The following MAPK4 variants were observed in gnomAD, a reference collection of about 807,000 sequenced individuals.
MAPK4 encodes Erk3-related.
In MAPK4, 22 loss-of-function variants were observed where a neutral mutation model predicts 47.7. The observed-to-expected ratio is 0.46, with a 90% CI of 0.33 to 0.66. The LOEUF is 0.66. Ranked by LOEUF, MAPK4 falls within the 30% of genes least tolerant of loss-of-function variation. The probability of loss-of-function intolerance (pLI) is 0.02; values close to 1 mark genes in which losing one functional copy is unlikely to be tolerated. For synonymous variants in MAPK4, 390 were observed against 365.7 expected, an observed-to-expected ratio of 1.07 and a Z score of -0.76; for missense variants, 736 against 831.7, an observed-to-expected ratio of 0.88 and a Z score of 1.42.
At chr18:50,632,800 A>G (rs1242688006) in intron 1 of MAPK4, among the ~76,000 whole-genome samples, 1 of 151,956 alleles carries the variant, frequency 6.6e-6, no homozygotes, top group Non-Finnish European at 1.5e-5. Context: ...TCATATTTTT[A>G]GTAGAGACAG....
intron 2 of MAPK4, among the ~76,000 whole-genome samples, chr18:50,672,333 AGCAT>A (rs1259486981): frequency 1.3e-5 from 2 of 152,246 alleles, no homozygotes; most frequent in African/African-American, 4.8e-5. Context: ...GAAGCCACTA[AGCAT>A]GTTATTCCAA....
intron 4 of MAPK4, among the ~76,000 whole-genome samples, chr18:50,722,860 C>T (rs1336806484): frequency 1.3e-5 from 2 of 152,138 alleles, no homozygotes; most frequent in Non-Finnish European, 2.9e-5. Flanking sequence ...CTCTCAATCT[C>T]CAGACATGCT....
At position 50,668,332 on chromosome 18, in the gene MAPK4, C is replaced by G. The variant is rs576266999; in HGVS notation, c.546+3828C>G. On this transcript the variant is annotated intron_variant, in intron 2 of 5. Coordinates refer to ENST00000400384, the MANE Select transcript of MAPK4 (RefSeq NM_002747.4). ...GCCTCCCATCTTTCTCATGGGTGGACAGTATGTCTCATTTGCTCCCACATC... is the reference window on the plus strand; with the variant it reads ...GCCTCCCATCTTTCTCATGGGTGGAGAGTATGTCTCATTTGCTCCCACATC... Among the ~76,000 whole-genome samples, 6 of 152,300 alleles carry G rather than the reference C, an allele frequency of 3.9e-5. No individual in the cohort carries two copies. In the East Asian group the frequency reaches 1.2e-3, roughly 29 times the overall value.
rs1911163700 is a variant in MAPK4, at chr18:50,725,886, C to T, written c.854-76C>T. ...AAGCACAGACACCAGCACAGAATGT[C>T]ACCGTGCTGAGGAATCTCCTTCTGA... On this transcript the variant is annotated intron_variant, in intron 4 of 5. Transcript: ENST00000400384. The T allele has an allele frequency of 4.3e-6, 5 of 1,165,150 alleles. No homozygotes were observed. In the Admixed American group the frequency reaches 8.4e-5, roughly 20 times the overall value. The allele number at this position is 1,165,150 out of a possible 1,614,324, so 72.2% of individuals were successfully genotyped here.
intron 1 of MAPK4, among the ~76,000 whole-genome samples, chr18:50,600,952 G>A (rs1257762917): frequency 3.3e-5 from 5 of 151,774 alleles, no homozygotes; most frequent in African/African-American, 9.7e-5. Context: ...CTTTAGTATT[G>A]TTCACGATTT....
At position 50,729,362 on chromosome 18, in the gene MAPK4, C is replaced by T. The variant is rs756972580; in HGVS notation, c.1272C>T (p.Tyr424=). The T allele has an allele frequency of 3.8e-6, 6 of 1,577,978 alleles. No individual in the cohort carries two copies. The highest frequency in any genetic ancestry group is 5.2e-6 in the Non-Finnish European group (6 of 1,163,448). The change falls in exon 6 of 6, where the codon TAC becomes TAT. Residue 424 remains tyrosine, a synonymous_variant. Transcript: ENST00000400384. ...TGGAGCGCGCCTTCGAGGCCGACTA[C>T]GGGCGCTCCTGCGACTACAAGGTGG... ...SSMERAFEAD[Y]GRSCDYKVGS... is the part of the protein sequence containing the mutation.
At chr18:50,575,792 CAAA>C (rs540138636) in intron 1 of MAPK4, among the ~76,000 whole-genome samples, 124 of 70,142 alleles carry the variant, frequency 1.8e-3, no homozygotes, top group African/African-American at 5.0e-3. Context: ...AATCAACAAG[CAAA>C]AAAAAAAAAA....
Position 50,618,327 on chromosome 18 carries a change from C to T in MAPK4, c.-870-44762C>T, listed in dbSNP as rs983600427. On this transcript the variant is annotated intron_variant, in intron 1 of 5. Coordinates refer to ENST00000400384, the MANE Select transcript of MAPK4 (RefSeq NM_002747.4). Reference sequence around the variant, plus strand: ...AGTTCACCCAAACTAGTTACTACGCCCTGTACCTGTTTTTCCATTTCTCCC... The same window carrying T: ...AGTTCACCCAAACTAGTTACTACGCTCTGTACCTGTTTTTCCATTTCTCCC... 8.5e-5 allele frequency among the ~76,000 whole-genome samples: 13 copies of T among 152,262 alleles called. No individual in the cohort carries two copies. In the East Asian group the frequency reaches 1.4e-3, roughly 16 times the overall value.
intron 2 of MAPK4, among the ~76,000 whole-genome samples, chr18:50,677,613 G>C (rs370512077): frequency 9.2e-5 from 14 of 151,912 alleles, no homozygotes; most frequent in Non-Finnish European, 1.9e-4. Flanking sequence ...AGGCTGGAGT[G>C]CAGATCATAG....
chr18:50,696,051 G>T (rs1909496098), intron 2 of MAPK4, among the ~76,000 whole-genome samples: 1 of 151,764 alleles, frequency 6.6e-6, no homozygotes, highest in South Asian at 2.1e-4. Flanking sequence ...ATCTGGGAGG[G>T]CACTGCAGGA....
intron 1 of MAPK4, among the ~76,000 whole-genome samples, chr18:50,617,598 T>C (rs1032099424): frequency 6.6e-6 from 1 of 152,214 alleles, no homozygotes; most frequent in Non-Finnish European, 1.5e-5. Flanking sequence ...GAGGTGGTTG[T>C]ACCGACCTGT....
intron 1 of MAPK4, among the ~76,000 whole-genome samples, chr18:50,611,255 G>GAC (rs759111491): frequency 2.0e-5 from 3 of 152,212 alleles, no homozygotes; most frequent in Non-Finnish European, 4.4e-5. Flanking sequence ...CTCACTTAGA[G>GAC]ACACCATTTC....
At position 50,731,556 on chromosome 18, in the gene MAPK4, CT is replaced by C. The variant is rs1206794475; in HGVS notation, c.*1706del. 6.6e-6 allele frequency: 1 copy of C among 152,490 alleles called. No homozygotes were observed. Among genetic ancestry groups the C allele is most frequent in the Non-Finnish European group, 1.5e-5 (1 of 68,048 alleles). 9.4% of individuals were successfully genotyped at this position (152,490 alleles called of 1,614,324 possible). On this transcript the variant is annotated 3_prime_UTR_variant, in exon 6 of 6. Transcript: ENST00000400384. ...AAACAGAATTAATCACACTGACCAA[CT>C]TTTAAATGGAAAATATGTAAATAGG...
At chr18:50,625,996 C>T (rs1479712740) in intron 1 of MAPK4, among the ~76,000 whole-genome samples, 3 of 151,878 alleles carry the variant, frequency 2.0e-5, no homozygotes. Flanking sequence ...CCAAAATCAG[C>T]AGGGTGGTCT....
chr18:50,622,030 C>T (rs777587821), intron 1 of MAPK4, among the ~76,000 whole-genome samples: 1 of 152,224 alleles, frequency 6.6e-6, no homozygotes, highest in Non-Finnish European at 1.5e-5. Context: ...TGCCTATTAA[C>T]AGCCCTTACA....
At chr18:50,567,661 T>C (rs2042210876) in intron 1 of MAPK4, among the ~76,000 whole-genome samples, 1 of 152,176 alleles carries the variant, frequency 6.6e-6, no homozygotes, top group Non-Finnish European at 1.5e-5. Flanking sequence ...AAGGTGTCTT[T>C]ATTGCTTTCA....
chr18:50,644,138 A>T (rs1265583536), intron 1 of MAPK4, among the ~76,000 whole-genome samples: 2 of 152,034 alleles, frequency 1.3e-5, no homozygotes, highest in Non-Finnish European at 2.9e-5. Flanking sequence ...ACTGAAAAGG[A>T]CACTTTGCTT....
At chr18:50,695,451 ACTTTC>A (rs935333178) in intron 2 of MAPK4, among the ~76,000 whole-genome samples, 1 of 151,656 alleles carries the variant, frequency 6.6e-6, no homozygotes, top group Non-Finnish European at 1.5e-5. Context: ...TGTATGGAAC[ACTTTC>A]CTTTCCATTC....
chr18:50,722,227 C>A, intron 4 of MAPK4, 128 bp downstream of exon 4: 1 of 1,078,072 alleles, frequency 9.3e-7, no homozygotes, highest in Non-Finnish European at 1.3e-6. Context: ...AAAGTCAAGG[C>A]TCCCCTGCCA....
Sources: gnomAD v4.1 joint callset for allele counts (sites outside exome capture counted in the v4.1 genomes callset) on GRCh38, gnomAD v4.1.1 for gene constraint, MANE v1.5 for transcripts, NCBI Gene and HGNC (gene_info 2026-07-23, HGNC 2026-07-21) for gene names.